TCF20: variants seen among roughly 807,000 people sequenced by gnomAD.
TCF20 encodes the protein SPRE-binding protein.
Under a neutral mutation model 148.6 loss-of-function variants are expected in TCF20, and 3 were observed. The ratio of observed to expected loss-of-function variants is 0.02; its 90% CI spans 0.01 to 0.05. The LOEUF is 0.05. TCF20 is among the 10% of genes least tolerant of loss of function. The pLI, the probability that TCF20 is intolerant of heterozygous loss-of-function variation, is 1.00. For synonymous variants in TCF20, 1,049 were observed against 909.5 expected, an observed-to-expected ratio of 1.15 and a Z score of -2.76; for missense variants, 2,350 against 2,429.3, an observed-to-expected ratio of 0.97 and a Z score of 0.69.
At chr22:42,307,186 C>T (rs1277286521) in intron 1 of TCF20, among the ~76,000 whole-genome samples, 2 of 152,174 alleles carry the variant, frequency 1.3e-5, no homozygotes, top group African/African-American at 2.4e-5. Context: ...CAGAGGACGC[C>T]GGCTGCAGTA....
intron 1 of TCF20, among the ~76,000 whole-genome samples, chr22:42,220,485 T>C (rs757631162): frequency 1.3e-5 from 2 of 152,212 alleles, no homozygotes; most frequent in African/African-American, 2.4e-5. Context: ...CCATTGTGCC[T>C]GGCCCCAGCT....
chr22:42,309,536 G>A (rs1208540054), intron 1 of TCF20, among the ~76,000 whole-genome samples: 1 of 149,856 alleles, frequency 6.7e-6, no homozygotes, highest in Non-Finnish European at 1.5e-5. Context: ...CCAGGCTCCT[G>A]AGCTTCCCCC....
chr22:42,298,615 T>G (rs1927277139), intron 1 of TCF20, among the ~76,000 whole-genome samples: 1 of 152,094 alleles, frequency 6.6e-6, no homozygotes, highest in Non-Finnish European at 1.5e-5. Flanking sequence ...CGGATGGTGC[T>G]GGGGGAGGGG....
chr22:42,209,622 C>G, intron 2 of TCF20, 29 bp downstream of exon 2: 1 of 1,551,224 alleles, frequency 6.4e-7, no homozygotes, highest in South Asian at 1.2e-5. Flanking sequence ...ATAAAAATCC[C>G]AAGCTGGTAA....
chr22:42,216,731 C>A (rs910556725), intron 1 of TCF20, among the ~76,000 whole-genome samples: 6 of 152,114 alleles, frequency 3.9e-5, no homozygotes, highest in African/African-American at 1.4e-4. Context: ...TGGAGGACAG[C>A]AAAAAACAGA....
intron 1 of TCF20, among the ~76,000 whole-genome samples, chr22:42,268,039 G>C (rs568467749): frequency 1.8e-4 from 28 of 151,720 alleles, no homozygotes; most frequent in African/African-American, 6.5e-4. Context: ...CCAGCTACTC[G>C]GGAGGCTGAC....
chr22:42,283,367 G>C (rs915794904), intron 1 of TCF20, among the ~76,000 whole-genome samples: 1 of 151,788 alleles, frequency 6.6e-6, no homozygotes, highest in African/African-American at 2.4e-5. Context: ...GCTGCGCACG[G>C]CGGCTGGATC....
intron 1 of TCF20, among the ~76,000 whole-genome samples, chr22:42,220,701 G>A (rs529254807): frequency 9.9e-5 from 15 of 152,104 alleles, no homozygotes; most frequent in Non-Finnish European, 1.5e-4. Flanking sequence ...CACCACCCTT[G>A]CCTTCTGACC....
intron 2 of TCF20, among the ~76,000 whole-genome samples, chr22:42,201,743 G>A (rs999106243): frequency 1.3e-5 from 2 of 152,022 alleles, no homozygotes; most frequent in African/African-American, 2.4e-5. Flanking sequence ...GGTCCAGCCT[G>A]GGGGATAGAG....
At chr22:42,169,181 A>T (rs1190110650) in intron 4 of TCF20, among the ~76,000 whole-genome samples, 2 of 151,750 alleles carry the variant, frequency 1.3e-5, no homozygotes, top group Non-Finnish European at 2.9e-5. Flanking sequence ...TGCAGGAAAC[A>T]TCAGGTGGCA....
At chr22:42,331,998 G>T (rs1927984148) in intron 1 of TCF20, among the ~76,000 whole-genome samples, 1 of 152,220 alleles carries the variant, frequency 6.6e-6, no homozygotes, top group South Asian at 2.1e-4. Flanking sequence ...AGGTGCTCAG[G>T]ACTTGCTGAA....
chr22:42,186,412 C>T (rs546144299), intron 2 of TCF20, among the ~76,000 whole-genome samples: 9 of 152,278 alleles, frequency 5.9e-5, no homozygotes, highest in African/African-American at 1.7e-4. Context: ...ATTATTAGAA[C>T]TTTTAAATAA....
chr22:42,332,323 C>T (rs1387383988), intron 1 of TCF20, among the ~76,000 whole-genome samples: 1 of 152,046 alleles, frequency 6.6e-6, no homozygotes, highest in African/African-American at 2.4e-5. Context: ...CTTTTGAGAA[C>T]AAAAGGTCCC....
At chr22:42,240,843 A>T (rs900991291) in intron 1 of TCF20, among the ~76,000 whole-genome samples, 9 of 151,018 alleles carry the variant, frequency 6.0e-5, no homozygotes, top group Non-Finnish European at 1.3e-4. Context: ...TCCATAAAAA[A>T]CTCAAATCTT....
upstream of TCF20, among the ~76,000 whole-genome samples, chr22:42,271,179 C>T (rs892406326): frequency 2.0e-5 from 3 of 152,236 alleles, no homozygotes; most frequent in Non-Finnish European, 4.4e-5. Flanking sequence ...TAGCTGGTCC[C>T]GCCTGGGTCC....
Position 42,214,872 on chromosome 22 carries a change from C to T in TCF20, c.434G>A (p.Gly145Asp), listed in dbSNP as rs1440238879. The change falls in exon 2 of 6, where the codon GGC becomes GAC. Residue 145 changes from glycine (G) to aspartate (D), a missense_variant. Gly to Asp is a moderately conservative substitution (Grantham distance 94). Coordinates refer to ENST00000677622, the MANE Select transcript of TCF20 (RefSeq NM_001378418.1). ...HVGQFQAQHS[G>D]LGGVSHYQQD... is the part of the protein sequence containing the mutation. ...CTGATAATGTGACACACCGCCAAGG[C>T]CAGAGTGCTGTGCTTGAAACTGGCC... 6.2e-7 allele frequency: 1 copy of T among 1,614,194 alleles called. No individual in the cohort carries two copies. Among genetic ancestry groups the T allele is most frequent in the Admixed American group, 1.7e-5 (1 of 60,036 alleles).
At chr22:42,325,327 C>T (rs953137460) in intron 1 of TCF20, among the ~76,000 whole-genome samples, 2 of 152,214 alleles carry the variant, frequency 1.3e-5, no homozygotes, top group Non-Finnish European at 2.9e-5. Context: ...CTCTGAGAGG[C>T]AAAACCTCCA....
chr22:42,301,838 C>T (rs1016375440), intron 1 of TCF20, among the ~76,000 whole-genome samples: 1 of 152,196 alleles, frequency 6.6e-6, no homozygotes, highest in Non-Finnish European at 1.5e-5. Flanking sequence ...TTCAGTTCTC[C>T]GAGGAGGAGC....
At chr22:42,325,667 C>CA (rs1394696552) in intron 1 of TCF20, among the ~76,000 whole-genome samples, 3 of 152,184 alleles carry the variant, frequency 2.0e-5, no homozygotes, top group African/African-American at 7.2e-5. Flanking sequence ...GCTCACAGTC[C>CA]AAAACAGGGT....
Sources: gnomAD v4.1 joint callset for allele counts (sites outside exome capture counted in the v4.1 genomes callset) on GRCh38, gnomAD v4.1.1 for gene constraint, MANE v1.5 for transcripts, NCBI Gene and HGNC (gene_info 2026-07-23, HGNC 2026-07-21) for gene names.